Variants in CLDN18 observed in about 807,000 individuals in gnomAD.
CLDN18 encodes the protein claudin 18.
Under a neutral mutation model 25.0 loss-of-function variants are expected in CLDN18, and 20 were observed. The ratio of observed to expected loss-of-function variants is 0.80; its 90% CI spans 0.56 to 1.16. CLDN18 has a LOEUF of 1.16. CLDN18 is among the 50% of genes most tolerant of loss of function. CLDN18 has a pLI of 0.00. For missense variants in CLDN18, 297 were observed against 345.4 expected, an observed-to-expected ratio of 0.86 and a Z score of 1.11; for synonymous variants, 125 against 135.6, an observed-to-expected ratio of 0.92 and a Z score of 0.54.
intron 1 of CLDN18, among the ~76,000 whole-genome samples, chr3:138,019,297 A>C (rs1942244901): frequency 6.6e-6 from 1 of 152,208 alleles, no homozygotes; most frequent in South Asian, 2.1e-4. Flanking sequence ...ATTCCCTGGA[A>C]TCTCCAGAGA....
chr3:138,012,352 A>G (rs1363130363), intron 1 of CLDN18, among the ~76,000 whole-genome samples: 1 of 152,112 alleles, frequency 6.6e-6, no homozygotes, highest in Admixed American at 6.5e-5. Flanking sequence ...CTCCTTAGAC[A>G]TTTCAAAACC....
intron 1 of CLDN18, among the ~76,000 whole-genome samples, chr3:138,002,161 T>C (rs1358267494): frequency 6.6e-6 from 1 of 152,232 alleles, no homozygotes; most frequent in African/African-American, 2.4e-5. Context: ...CGAAGCATTC[T>C]CTGATGTCTG....
chr3:138,022,243 G>T (rs1461367307), intron 1 of CLDN18, among the ~76,000 whole-genome samples: 1 of 152,156 alleles, frequency 6.6e-6, no homozygotes, highest in Non-Finnish European at 1.5e-5. Flanking sequence ...CATCTGCCCA[G>T]TTTGACTCAG....
chr3:138,017,228 T>C (rs1410787572), intron 1 of CLDN18, among the ~76,000 whole-genome samples: 2 of 152,230 alleles, frequency 1.3e-5, no homozygotes, highest in East Asian at 3.9e-4. Flanking sequence ...AATTCAAATA[T>C]CCAAAGTAAA....
chr3:138,002,872 T>C (rs1030519201), intron 1 of CLDN18, among the ~76,000 whole-genome samples: 5 of 152,130 alleles, frequency 3.3e-5, no homozygotes, highest in African/African-American at 1.2e-4. Flanking sequence ...AAAGCAAAGG[T>C]CTTTGGTCCT....
chr3:137,999,193 C>G, intron 1 of CLDN18: 1 of 1,020,352 alleles, frequency 9.8e-7, no homozygotes, highest in Non-Finnish European at 1.5e-6. Context: ...GAGGGAGGAA[C>G]TGCGATTCGT....
chr3:138,020,672 G>C (rs1942259489), intron 1 of CLDN18, among the ~76,000 whole-genome samples: 1 of 152,224 alleles, frequency 6.6e-6, no homozygotes, highest in African/African-American at 2.4e-5. Context: ...AGGACTGCTG[G>C]AGGAGATGGG....
At chr3:138,016,226 A>G (rs1211647123) in intron 1 of CLDN18, among the ~76,000 whole-genome samples, 1 of 152,230 alleles carries the variant, frequency 6.6e-6, no homozygotes, top group Non-Finnish European at 1.5e-5. Flanking sequence ...AGAAGATGGC[A>G]GAAACAGGAA....
intron 1 of CLDN18, among the ~76,000 whole-genome samples, chr3:138,002,036 T>C (rs1025449362): frequency 1.3e-5 from 2 of 152,200 alleles, no homozygotes; most frequent in African/African-American, 4.8e-5. Flanking sequence ...TTCACCTGTT[T>C]TAGTGTTCAA....
At chr3:138,009,027 A>G (rs556584684), upstream of CLDN18, among the ~76,000 whole-genome samples, 4 of 152,332 alleles carry the variant, frequency 2.6e-5, no homozygotes, top group East Asian at 1.9e-4. Context: ...GACAAAACAT[A>G]ACACCTGATG....
chr3:138,009,415 CG>C (rs2107877758), upstream of CLDN18, among the ~76,000 whole-genome samples: 1 of 152,284 alleles, frequency 6.6e-6, no homozygotes, highest in East Asian at 1.9e-4. Flanking sequence ...TGGAAATCAA[CG>C]GGGTCCCTGG....
intron 1 of CLDN18, among the ~76,000 whole-genome samples, chr3:138,001,416 G>A (rs1338226359): frequency 6.6e-6 from 1 of 150,844 alleles, no homozygotes; most frequent in African/African-American, 2.5e-5. Flanking sequence ...TAGAGACAGG[G>A]TTTCACTGTG....
At chr3:138,024,934 T>G (rs1474825229) in intron 3 of CLDN18, among the ~76,000 whole-genome samples, 2 of 152,236 alleles carry the variant, frequency 1.3e-5, no homozygotes, top group Non-Finnish European at 2.9e-5. Flanking sequence ...GAGGCTGATC[T>G]GACATTTGCA....
chr3:138,001,447 C>G (rs925631439), intron 1 of CLDN18, among the ~76,000 whole-genome samples: 4 of 148,332 alleles, frequency 2.7e-5, no homozygotes, highest in African/African-American at 5.0e-5. Flanking sequence ...TGGTCTCGAT[C>G]TCCTGACCTC....
At chr3:138,010,154 G>A (rs1033513415), upstream of CLDN18, 12 of 1,551,964 alleles carry the variant, frequency 7.7e-6, no homozygotes, top group African/African-American at 1.4e-4. Context: ...CCTCAGGAGC[G>A]CGTTAGCTTC....
intron 1 of CLDN18, among the ~76,000 whole-genome samples, chr3:138,018,249 G>A (rs539031485): frequency 1.3e-5 from 2 of 152,150 alleles, no homozygotes; most frequent in East Asian, 1.9e-4. Flanking sequence ...AAGGGTTCAC[G>A]CTCTTCAAAG....
chr3:138,006,159 TTA>T (rs1311857856), upstream of CLDN18, among the ~76,000 whole-genome samples: 1 of 152,206 alleles, frequency 6.6e-6, no homozygotes, highest in Non-Finnish European at 1.5e-5. Context: ...AAATTTTCTA[TTA>T]TGAACACCAA....
chr3:138,005,014 A>G (rs1259551191), intron 1 of CLDN18: 1 of 152,138 alleles, frequency 6.6e-6, no homozygotes, highest in African/African-American at 2.4e-5. Flanking sequence ...TATGGAATTT[A>G]AAAGCAAATA....
intron 1 of CLDN18, among the ~76,000 whole-genome samples, chr3:138,003,575 T>A (rs1942040008): frequency 6.6e-6 from 1 of 152,214 alleles, no homozygotes; most frequent in Admixed American, 6.5e-5. Flanking sequence ...CGCTTAAGAA[T>A]AATATGCTTA....
Sources: gnomAD v4.1 joint callset for allele counts (sites outside exome capture counted in the v4.1 genomes callset) on GRCh38, gnomAD v4.1.1 for gene constraint, MANE v1.5 for transcripts, NCBI Gene and HGNC (gene_info 2026-07-23, HGNC 2026-07-21) for gene names.